Variants in LINGO2 observed in about 807,000 individuals in gnomAD.
LINGO2 encodes the protein leucine-rich repeat and immunoglobulin-like domain-containing nogo receptor-interacting protein 2.
In LINGO2, 14 loss-of-function variants were observed where a neutral mutation model predicts 30.6. The ratio of observed to expected loss-of-function variants is 0.46; its 90% CI spans 0.30 to 0.72. LINGO2 has a LOEUF of 0.72. LINGO2 is among the 30% of genes least tolerant of loss of function. The pLI, the probability that LINGO2 is intolerant of heterozygous loss-of-function variation, is 0.07. For synonymous variants in LINGO2, 317 were observed against 288.5 expected (o/e 1.10, Z -1.00); for missense variants, 729 against 751.7 (o/e 0.97, Z 0.35).
intron 4 of LINGO2, among the ~76,000 whole-genome samples, chr9:28,022,929 T>C (rs57728142): frequency 0.12 from 18,560 of 152,040 alleles, 1,215 homozygotes; most frequent in South Asian, 0.21. Flanking sequence ...TAAAAGCTCA[T>C]TGTTTCTTTT....
At chr9:28,684,175 C>CTTTTTTTTT in the LINGO2 span, among the ~76,000 whole-genome samples, 261 of 45,440 alleles carry the variant, frequency 5.7e-3, 34 homozygotes, top group East Asian at 0.014. Flanking sequence ...AAATGTTTAT[C>CTTTTTTTTT]TTTTTTTTTT....
chr9:27,960,906 T>C (rs1470003412), intron 5 of LINGO2, among the ~76,000 whole-genome samples: 1 of 152,198 alleles, frequency 6.6e-6, no homozygotes, highest in Non-Finnish European at 1.5e-5. Context: ...CTGTGACTTT[T>C]AAACTATGTT....
the LINGO2 span, among the ~76,000 whole-genome samples, chr9:29,028,914 A>C: frequency 6.6e-6 from 1 of 152,186 alleles, no homozygotes; most frequent in African/African-American, 2.4e-5. Context: ...GATTTCTAGT[A>C]ATCATAAACA....
chr9:28,287,884 T>C (rs929427135), intron 4 of LINGO2, among the ~76,000 whole-genome samples: 1 of 152,156 alleles, frequency 6.6e-6, no homozygotes, highest in Non-Finnish European at 1.5e-5. Context: ...TTAAAGTCAG[T>C]TTTATAAAGG....
intron 1 of LINGO2, among the ~76,000 whole-genome samples, chr9:28,602,218 G>A (rs1825514851): frequency 6.6e-6 from 1 of 152,052 alleles, no homozygotes; most frequent in Non-Finnish European, 1.5e-5. Context: ...GCTGTTTTGT[G>A]TTCCTTTATT....
At chr9:28,926,363 A>G in the LINGO2 span, among the ~76,000 whole-genome samples, 1 of 152,178 alleles carries the variant, frequency 6.6e-6, no homozygotes, top group Non-Finnish European at 1.5e-5. Context: ...ATAGATCAGA[A>G]TAACTACAGT....
At chr9:28,354,233 AGGTGATAC>A (rs2134462964) in intron 3 of LINGO2, among the ~76,000 whole-genome samples, 1 of 152,314 alleles carries the variant, frequency 6.6e-6, no homozygotes, top group South Asian at 2.1e-4. Flanking sequence ...TTGGCTTTTA[AGGTGATAC>A]GGTACTCATA....
At chr9:28,560,989 A>C (rs1432090937) in intron 1 of LINGO2, among the ~76,000 whole-genome samples, 1 of 152,062 alleles carries the variant, frequency 6.6e-6, no homozygotes, top group African/African-American at 2.4e-5. Context: ...TCTTCTTCTT[A>C]AACATATAAG....
chr9:29,122,365 T>C, the LINGO2 span, among the ~76,000 whole-genome samples: 339 of 152,116 alleles, frequency 2.2e-3, 1 homozygote, highest in African/African-American at 7.8e-3. Flanking sequence ...CGTTTACTTG[T>C]GCAGATCTTA....
chr9:28,781,674 T>G, the LINGO2 span, among the ~76,000 whole-genome samples: 1 of 152,086 alleles, frequency 6.6e-6, no homozygotes, highest in African/African-American at 2.4e-5. Context: ...AAAAATCATT[T>G]CCATTCAGCT....
Position 28,083,818 on chromosome 9 carries a change from A to G in LINGO2, c.-86-71413T>C, listed in dbSNP as rs180824530. Among the ~76,000 whole-genome samples the G allele has an allele frequency of 2.4e-3, 360 of 152,316 alleles. 2 individuals are homozygous for G. The highest frequency in any genetic ancestry group is 8.3e-3 in the African/African-American group (345 of 41,580). ...TATTTTTTTCTTGAGTTTGTTAACT[A>G]TAGTAATTGCAAAACCTGGAAATGA... On this transcript the variant is annotated intron_variant, in intron 4 of 5. Transcript: ENST00000379992.
the LINGO2 span, among the ~76,000 whole-genome samples, chr9:29,008,275 C>T: frequency 2.6e-5 from 4 of 152,138 alleles, no homozygotes; most frequent in African/African-American, 9.7e-5. Flanking sequence ...TTTATGGCTG[C>T]ACAGTATTCC....
chr9:29,033,181 T>C, the LINGO2 span, among the ~76,000 whole-genome samples: 1 of 152,096 alleles, frequency 6.6e-6, no homozygotes, highest in Non-Finnish European at 1.5e-5. Flanking sequence ...GTGAACGATG[T>C]ATGCCAATAT....
At chr9:28,631,166 T>G (rs1169958304) in intron 1 of LINGO2, among the ~76,000 whole-genome samples, 1 of 152,030 alleles carries the variant, frequency 6.6e-6, no homozygotes, top group Non-Finnish European at 1.5e-5. Context: ...TATTTATTTA[T>G]TTTTTTATTA....
At chr9:29,032,946 A>T in the LINGO2 span, among the ~76,000 whole-genome samples, 1 of 152,122 alleles carries the variant, frequency 6.6e-6, no homozygotes, top group South Asian at 2.1e-4. Context: ...AACTAAGCCT[A>T]ATTAAACCAA....
At chr9:28,827,391 T>A in the LINGO2 span, among the ~76,000 whole-genome samples, 1 of 152,218 alleles carries the variant, frequency 6.6e-6, no homozygotes, top group Non-Finnish European at 1.5e-5. Flanking sequence ...TTTGATGGGT[T>A]CATCTAGGTT....
At chr9:28,528,467 A>G (rs1821110068) in intron 1 of LINGO2, among the ~76,000 whole-genome samples, 1 of 152,180 alleles carries the variant, frequency 6.6e-6, no homozygotes, top group Non-Finnish European at 1.5e-5. Flanking sequence ...AGGCCAATTT[A>G]TAATTCTTTC....
intron 2 of LINGO2, among the ~76,000 whole-genome samples, chr9:28,408,001 G>C (rs1822584001): frequency 6.6e-6 from 1 of 151,988 alleles, no homozygotes; most frequent in Non-Finnish European, 1.5e-5. Context: ...TACAGCGAGA[G>C]GGAGGGAGGG....
rs1824554934 is a variant in LINGO2, at chr9:28,049,110, T to C, written c.-86-36705A>G. On this transcript the variant is annotated intron_variant, in intron 4 of 5. Transcript: ENST00000379992. Reference sequence around the variant, plus strand: ...TAATGTGTTTGCACATCACTAAGTGTATGCAATGCCTTCATGTCTTCATGC... The same window carrying C: ...TAATGTGTTTGCACATCACTAAGTGCATGCAATGCCTTCATGTCTTCATGC... 1.3e-5 allele frequency among the ~76,000 whole-genome samples: 2 copies of C among 151,044 alleles called. 1 individual carries two copies. Among genetic ancestry groups the C allele is most frequent in the African/African-American group, 4.9e-5 (2 of 40,900 alleles).
Sources: allele counts gnomAD v4.1 joint callset (sites outside exome capture counted in the v4.1 genomes callset), GRCh38; gene constraint gnomAD v4.1.1; transcripts MANE v1.5; gene names NCBI Gene and HGNC (gene_info 2026-07-23, HGNC 2026-07-21).